The following RAPH1 variants were observed in gnomAD, a reference collection of about 807,000 sequenced individuals.
RAPH1 encodes ras-associated and pleckstrin homology domains-containing protein 1.
RAPH1 carries 18 observed loss-of-function variants against 88.1 expected under a neutral mutation model. That is an observed-to-expected ratio of 0.20 (90% CI 0.14 to 0.30). The LOEUF (loss-of-function observed/expected upper bound fraction) is 0.30, where lower values mean the gene tolerates loss of function less well. Ranked by LOEUF, RAPH1 falls within the 10% of genes least tolerant of loss-of-function variation. The probability of loss-of-function intolerance (pLI) is 1.00; values close to 1 mark genes in which losing one functional copy is unlikely to be tolerated. For missense variants in RAPH1, 1,448 were observed against 1,543.2 expected (o/e 0.94, Z 1.03); for synonymous variants, 587 against 559.0 (o/e 1.05, Z -0.71).
rs1392731565 is a variant in RAPH1 at position 203,440,411 on chromosome 2, A to C, written c.2779T>G (p.Phe927Val). Residue 927 changes from phenylalanine to valine, a missense_variant, in exon 14 of 14, where the codon TTT becomes GTT. This residue lies in a region of RAPH1 where 935 missense variants were observed against 890.1 expected (regional missense o/e 1.05). Transcript: ENST00000319170. ...ACAGGTGATGGGGGTGGAGGAGGAA[A>C]CACCAGGCTGCTTTCAGGAGGGGGA... ...PPPPPESSLV[F>V]PPPPPSPVPA... 1.3e-6 allele frequency: 2 copies of C among 1,556,362 alleles called. No homozygotes were observed. The highest frequency in any genetic ancestry group is 1.7e-6 in the Non-Finnish European group (2 of 1,151,724).
intron 8 of RAPH1, 73 bp downstream of exon 8, chr2:203,457,457 T>G: frequency 8.5e-7 from 1 of 1,181,022 alleles, no homozygotes; most frequent in Non-Finnish European, 1.3e-6. Context: ...GTGTTGGGAT[T>G]GCAGGCGTGA....
intron 4 of RAPH1, among the ~76,000 whole-genome samples, chr2:203,485,494 T>C (rs77617054): frequency 0.026 from 3,891 of 151,884 alleles, 169 homozygotes; most frequent in African/African-American, 0.087. Flanking sequence ...TATTCATTCA[T>C]GGACAGTCTT....
At chr2:203,447,600 G>T in intron 12 of RAPH1, 1 of 158,790 alleles carries the variant, frequency 6.3e-6, no homozygotes, top group Non-Finnish European at 1.4e-5. Context: ...GAATCTGAAG[G>T]AGTGCAGCTT....
intron 4 of RAPH1, among the ~76,000 whole-genome samples, chr2:203,473,276 A>T (rs1042047791): frequency 2.6e-5 from 4 of 152,024 alleles, no homozygotes; most frequent in Non-Finnish European, 5.9e-5. Flanking sequence ...ACAGAGCGAG[A>T]CCCTGTCTCA....
chr2:203,493,307 C>A (rs1373331777), intron 2 of RAPH1, among the ~76,000 whole-genome samples: 1 of 152,174 alleles, frequency 6.6e-6, no homozygotes, highest in Non-Finnish European at 1.5e-5. Context: ...AGGGCAGCAT[C>A]ATGTAGTTCC....
At position 203,441,366 on chromosome 2, in the gene RAPH1, AG is replaced by A; in HGVS notation, c.1823del (p.Pro608LeufsTer8). On this transcript the variant is annotated frameshift_variant, in exon 14 of 14. Transcript: ENST00000319170. LOFTEE classifies it low-confidence loss of function (END_TRUNC). ...MNRPYTSLVP[P>X]LSPQPKIVTP... is the part of the protein sequence containing the mutation. ...TGACTATCTTAGGTTGCGGGGATAAAGGGGGCACAAGTGAAGTGTAGGGCCG... is the reference window on the plus strand; with the variant it reads ...TGACTATCTTAGGTTGCGGGGATAAAGGGGCACAAGTGAAGTGTAGGGCCG... 1 of 1,575,106 alleles carries A rather than the reference AG, an allele frequency of 6.3e-7. No individual in the cohort carries two copies.
chr2:203,521,017 C>T (rs1689841975), intron 1 of RAPH1, among the ~76,000 whole-genome samples: 3 of 152,114 alleles, frequency 2.0e-5, no homozygotes, highest in Admixed American at 1.3e-4. Context: ...GCATAAATCA[C>T]GTCAATCATA....
At chr2:203,502,475 T>C (rs999017286) in intron 1 of RAPH1, among the ~76,000 whole-genome samples, 1 of 152,156 alleles carries the variant, frequency 6.6e-6, no homozygotes, top group Non-Finnish European at 1.5e-5. Context: ...ATTTTAACAG[T>C]TGGTAGAGAT....
chr2:203,461,267 C>T lies in RAPH1; in HGVS notation c.952G>A (p.Val318Ile), dbSNP rs1170890902. The change falls in exon 6 of 14, where the codon GTT (valine) becomes ATT (isoleucine). Residue 318 changes from valine (V) to isoleucine (I), a missense_variant. Coordinates refer to ENST00000319170, the MANE Select transcript of RAPH1 (RefSeq NM_213589.3). ...YSLDWSLVET[V>I]SELQMERIFE... Reference sequence around the variant, plus strand: ...TACTAACCCATTTGTAATTCAGAAACGGTTTCTACCAGTGACCAGTCTAAA... The same window carrying T: ...TACTAACCCATTTGTAATTCAGAAATGGTTTCTACCAGTGACCAGTCTAAA... 1.9e-6 allele frequency: 3 copies of T among 1,582,622 alleles called. No individual in the cohort carries two copies. Among genetic ancestry groups the T allele is most frequent in the Admixed American group, 1.8e-5 (1 of 56,454 alleles).
At chr2:203,527,913 C>G (rs1380349372) in intron 1 of RAPH1, among the ~76,000 whole-genome samples, 2 of 151,258 alleles carry the variant, frequency 1.3e-5, no homozygotes, top group Admixed American at 1.3e-4. Flanking sequence ...GGTTTAAGTC[C>G]AAGGGCAAAG....
intron 10 of RAPH1, among the ~76,000 whole-genome samples, chr2:203,449,765 C>T (rs1180516571): frequency 6.6e-6 from 1 of 152,156 alleles, no homozygotes; most frequent in Non-Finnish European, 1.5e-5. Flanking sequence ...TGGCTCATGC[C>T]TGTAAACCCA....
chr2:203,466,359 T>C (rs995413504), intron 4 of RAPH1, among the ~76,000 whole-genome samples: 3 of 152,222 alleles, frequency 2.0e-5, no homozygotes, highest in South Asian at 4.1e-4. Context: ...GTGTCTAATG[T>C]ATTTAAGCAA....
At chr2:203,453,482 G>A (rs1010715117) in intron 10 of RAPH1, among the ~76,000 whole-genome samples, 2 of 145,828 alleles carry the variant, frequency 1.4e-5, no homozygotes, top group African/African-American at 5.2e-5. Flanking sequence ...AGAAGTCGAG[G>A]CTACAGTGAG....
intron 4 of RAPH1, chr2:203,470,162 A>G: frequency 2.2e-6 from 2 of 916,372 alleles, no homozygotes; most frequent in South Asian, 3.3e-5. Flanking sequence ...TAATAATATA[A>G]GAGCATGATC....
At chr2:203,449,808 G>C (rs1350974847) in intron 10 of RAPH1, among the ~76,000 whole-genome samples, 1 of 151,992 alleles carries the variant, frequency 6.6e-6, no homozygotes, top group Non-Finnish European at 1.5e-5. Context: ...GTGGATCAAG[G>C]AGTCAGGAGT....
intron 1 of RAPH1, among the ~76,000 whole-genome samples, chr2:203,522,721 G>A (rs956650513): frequency 1.4e-4 from 22 of 151,938 alleles, no homozygotes; most frequent in African/African-American, 5.1e-4. Flanking sequence ...GGCCAACATC[G>A]TGAAACCTCA....
At chr2:203,473,789 T>G (rs1263424023) in intron 4 of RAPH1, among the ~76,000 whole-genome samples, 4 of 152,224 alleles carry the variant, frequency 2.6e-5, no homozygotes, top group African/African-American at 9.6e-5. Context: ...TTATATTTTC[T>G]TTTATTTACC....
At chr2:203,500,151 G>A (rs557412276) in intron 1 of RAPH1, among the ~76,000 whole-genome samples, 6 of 152,196 alleles carry the variant, frequency 3.9e-5, no homozygotes, top group Admixed American at 2.0e-4. Context: ...GTAGGGAACA[G>A]AAAAGGAAAC....
At position 203,534,505 on chromosome 2, in the gene RAPH1, T is replaced by C. The variant is rs1256634539; in HGVS notation, c.-1+606A>G. On this transcript the variant is annotated intron_variant, in intron 1 of 13. Coordinates refer to ENST00000319170, the MANE Select transcript of RAPH1 (RefSeq NM_213589.3). ...ACTATCACACTGCCCCCTCCCTCCG[T>C]CCACCCCCCCCCCCCCCCCATGAAT... Among the ~76,000 whole-genome samples the C allele has an allele frequency of 8.0e-3, 59 of 7,366 alleles. 1 individual carries two copies. Among genetic ancestry groups the C allele is most frequent in the Admixed American group, 0.02 (9 of 448 alleles). The allele number at this position is 7,366 out of a possible 152,430, so 4.8% of individuals were successfully genotyped here. A position where few individuals can be genotyped will look rare whatever the true frequency, so the allele number is the denominator to read the frequency against.
Sources: allele counts gnomAD v4.1 joint callset (sites outside exome capture counted in the v4.1 genomes callset), GRCh38; gene constraint gnomAD v4.1.1; regional missense constraint gnomAD v4.1.1; transcripts MANE v1.5; gene names NCBI Gene and HGNC (gene_info 2026-07-23, HGNC 2026-07-21).